TMEM167A: variants seen among roughly 807,000 people sequenced by gnomAD.
TMEM167A encodes transmembrane protein 167A.
In TMEM167A, 8 loss-of-function variants were observed where a neutral mutation model predicts 11.6. The ratio of observed to expected loss-of-function variants is 0.69; its 90% CI spans 0.40 to 1.24. The LOEUF is 1.24. TMEM167A is among the 50% of genes most tolerant of loss of function. TMEM167A has a pLI of 0.01. For synonymous variants in TMEM167A, 22 were observed against 28.0 expected (o/e 0.79, Z 0.67); for missense variants, 62 against 87.0 (o/e 0.71, Z 1.14).
chr5:83,061,350 A>G (rs115958156), intron 3 of TMEM167A, among the ~76,000 whole-genome samples: 324 of 152,316 alleles, frequency 2.1e-3, no homozygotes, highest in African/African-American at 7.3e-3. Flanking sequence ...ATGGTATTTG[A>G]TATCTAAATT....
At position 83,053,779 on chromosome 5, in the gene TMEM167A, T is replaced by A. The variant is rs1269129888; in HGVS notation, c.*3305A>T. ...TCAAGTTCAGCTTAAGCAGTGCTCC[T>A]CTGGAAGTTCACACCCTAACTGAAC... On this transcript the variant is annotated 3_prime_UTR_variant, in exon 4 of 4. Coordinates refer to ENST00000502346, the MANE Select transcript of TMEM167A (RefSeq NM_174909.5). 1 of 152,102 alleles carries A rather than the reference T, an allele frequency of 6.6e-6. No homozygotes were observed. The highest frequency in any genetic ancestry group is 1.5e-5 in the Non-Finnish European group (1 of 67,956). 9.4% of individuals were successfully genotyped at this position (152,102 alleles called of 1,614,324 possible). A position where few individuals can be genotyped will look rare whatever the true frequency, so the allele number is the denominator to read the frequency against.
rs1450615772 is a variant in TMEM167A at position 83,054,673 on chromosome 5, G to A, written c.*2411C>T. 2 of 151,944 alleles carry A rather than the reference G, an allele frequency of 1.3e-5. No individual in the cohort carries two copies. The highest frequency in any genetic ancestry group is 3.9e-4 in the East Asian group (2 of 5,194). 9.4% of individuals were successfully genotyped at this position (151,944 alleles called of 1,614,324 possible). On this transcript the variant is annotated 3_prime_UTR_variant, in exon 4 of 4. Coordinates refer to ENST00000502346, the MANE Select transcript of TMEM167A (RefSeq NM_174909.5). ...ACAAAGAAAGGAACAACAGACACTG[G>A]GGCCTACTTGAGGGTGGAGGGTGGG... is the stretch of plus-strand genomic sequence containing the variant.
intron 2 of TMEM167A, 112 bp downstream of exon 2, chr5:83,064,896 T>C (rs1744459805): frequency 1.5e-6 from 1 of 652,012 alleles, no homozygotes. Flanking sequence ...AAAAAAGTTA[T>C]TATAAAACCA....
intron 3 of TMEM167A, among the ~76,000 whole-genome samples, chr5:83,060,367 TAGA>T (rs564721747): frequency 2.6e-3 from 398 of 152,100 alleles, no homozygotes; most frequent in African/African-American, 8.8e-3. Context: ...AATTCAAAGT[TAGA>T]AGAAGAGTAC....
chr5:83,063,871 A>G (rs867127341), intron 2 of TMEM167A, among the ~76,000 whole-genome samples: 7 of 151,654 alleles, frequency 4.6e-5, no homozygotes, highest in Non-Finnish European at 7.4e-5. Context: ...TTAGTTCTAT[A>G]TTATTTGAAG....
At chr5:83,072,192 A>G (rs917933935) in intron 1 of TMEM167A, among the ~76,000 whole-genome samples, 1 of 152,152 alleles carries the variant, frequency 6.6e-6, no homozygotes, top group Non-Finnish European at 1.5e-5. Flanking sequence ...ATTTTATATA[A>G]ACCTCAGATC....
chr5:83,053,671 G>A lies in TMEM167A; in HGVS notation c.*3413C>T, dbSNP rs1744290206. On this transcript the variant is annotated 3_prime_UTR_variant, in exon 4 of 4. Coordinates refer to ENST00000502346, the MANE Select transcript of TMEM167A (RefSeq NM_174909.5). The stretch of plus-strand genomic sequence containing the variant: ...ATCTAACCTTTGCCTACCTTTCTAG[G>A]CTTATGTCTTAATACTCCCGAAGTG... 1 of 151,896 alleles carries A rather than the reference G, an allele frequency of 6.6e-6. No homozygotes were observed. 9.4% of individuals were successfully genotyped at this position (151,896 alleles called of 1,614,324 possible).
At chr5:83,064,140 C>A in intron 2 of TMEM167A, 1 of 418,038 alleles carries the variant, frequency 2.4e-6, no homozygotes, top group Non-Finnish European at 4.7e-6. Context: ...AAAAAGCTTT[C>A]AAACAGTTGA....
In TMEM167A at chr5:83,057,118, A is replaced by G. The variant is rs1247915230; in HGVS notation, c.185T>C (p.Ile62Thr). 6.2e-7 allele frequency: 1 copy of G among 1,612,218 alleles called. No individual in the cohort carries two copies. Among genetic ancestry groups the G allele is most frequent in the Non-Finnish European group, 8.5e-7 (1 of 1,179,026 alleles). ...GAAGAGGATGCTGAAGGCCATTACT[A>G]TACAGCATACTGCAACATAAGGACT... ...RKSPYVAVCC[I>T]VMAFSILFIQ Residue 62 changes from isoleucine to threonine, a missense_variant, in exon 4 of 4, where the codon ATA becomes ACA. By Grantham distance (89) the Ile-to-Thr change is moderately conservative. Transcript: ENST00000502346.
At chr5:83,069,543 C>A (rs1036238027) in intron 1 of TMEM167A, among the ~76,000 whole-genome samples, 14 of 152,050 alleles carry the variant, frequency 9.2e-5, no homozygotes, top group Admixed American at 7.2e-4. Flanking sequence ...TTTGCACATG[C>A]TATCTGTTCT....
Position 83,056,819 on chromosome 5 carries a change from T to G in TMEM167A, c.*265A>C. 2.2e-6 allele frequency: 1 copy of G among 456,026 alleles called. No individual in the cohort carries two copies. 28.2% of individuals were successfully genotyped at this position (456,026 alleles called of 1,614,324 possible). A position where few individuals can be genotyped will look rare whatever the true frequency, so the allele number is the denominator to read the frequency against. ...AGAGATACCTCACTAAAATTTTGTA[T>G]CTGATACAACAGAATAACATTTGCA... On this transcript the variant is annotated 3_prime_UTR_variant, in exon 4 of 4. Coordinates refer to ENST00000502346, the MANE Select transcript of TMEM167A (RefSeq NM_174909.5).
intron 2 of TMEM167A, 114 bp downstream of exon 2, chr5:83,064,891 AGTT>A (rs1744459656): frequency 1.1e-5 from 7 of 624,448 alleles, no homozygotes; most frequent in Non-Finnish European, 1.9e-5. Context: ...AAATGAAAAA[AGTT>A]ATTATAAAAC....
In TMEM167A at chr5:83,055,335, T is replaced by C. The variant is rs933387319; in HGVS notation, c.*1749A>G. The C allele has an allele frequency of 5.3e-5, 8 of 151,980 alleles. No homozygotes were observed. The highest frequency in any genetic ancestry group is 1.2e-4 in the African/African-American group (5 of 41,398). The allele number at this position is 151,980 out of a possible 1,614,324, so 9.4% of individuals were successfully genotyped here. ...TTGACATGGCTTTCGGAAAGTCCAGTTGGCAGCAGAGCTGGACAACAGATG... is the reference window on the plus strand; with the variant it reads ...TTGACATGGCTTTCGGAAAGTCCAGCTGGCAGCAGAGCTGGACAACAGATG... On this transcript the variant is annotated 3_prime_UTR_variant, in exon 4 of 4. Transcript: ENST00000502346.
intron 3 of TMEM167A, among the ~76,000 whole-genome samples, chr5:83,060,754 C>G (rs1023752662): frequency 2.6e-5 from 4 of 151,416 alleles, no homozygotes; most frequent in African/African-American, 9.7e-5. Flanking sequence ...ACACTTGAAC[C>G]TGGGAGGCGG....
intron 1 of TMEM167A, among the ~76,000 whole-genome samples, chr5:83,066,091 T>C (rs1244170527): frequency 6.6e-6 from 1 of 152,098 alleles, no homozygotes; most frequent in Non-Finnish European, 1.5e-5. Context: ...ACCAATCATA[T>C]GCCTGTCTCA....
intron 1 of TMEM167A, chr5:83,071,254 T>C (rs886805307): frequency 6.6e-6 from 1 of 152,192 alleles, no homozygotes; most frequent in African/African-American, 2.4e-5. Context: ...ATATGGGGAA[T>C]AAATTTTTAC....
chr5:83,057,876 A>AT (rs1190785535), intron 3 of TMEM167A, among the ~76,000 whole-genome samples: 2 of 152,078 alleles, frequency 1.3e-5, no homozygotes, highest in Non-Finnish European at 2.9e-5. Context: ...TCGCAAACAG[A>AT]TAGAGATCAT....
chr5:83,067,940 A>C (rs2112245869), intron 1 of TMEM167A, among the ~76,000 whole-genome samples: 1 of 151,920 alleles, frequency 6.6e-6, no homozygotes, highest in East Asian at 1.9e-4. Context: ...TTATTTTTTC[A>C]TAGATATAAC....
At position 83,056,663 on chromosome 5, in the gene TMEM167A, C is replaced by T. The variant is rs1466192930; in HGVS notation, c.*421G>A. 2 of 231,090 alleles carry T rather than the reference C, an allele frequency of 8.7e-6. No homozygotes were observed. The highest frequency in any genetic ancestry group is 1.7e-5 in the Non-Finnish European group (2 of 118,458). The allele number at this position is 231,090 out of a possible 1,614,324, so 14.3% of individuals were successfully genotyped here. ...TAAATATTAATGCAATCCTTATCAACACAAATTGAGCCATTTTAATAAAAA... is the reference window on the plus strand; with the variant it reads ...TAAATATTAATGCAATCCTTATCAATACAAATTGAGCCATTTTAATAAAAA... On this transcript the variant is annotated 3_prime_UTR_variant, in exon 4 of 4. Coordinates refer to ENST00000502346, the MANE Select transcript of TMEM167A (RefSeq NM_174909.5).
Sources: gnomAD v4.1 joint callset for allele counts (sites outside exome capture counted in the v4.1 genomes callset) on GRCh38, gnomAD v4.1.1 for gene constraint, MANE v1.5 for transcripts, NCBI Gene and HGNC (gene_info 2026-07-23, HGNC 2026-07-21) for gene names.